Variants in ANKH observed in about 807,000 individuals in gnomAD.
ANKH encodes the protein ANKH inorganic pyrophosphate transport regulator.
ANKH carries 15 observed loss-of-function variants against 49.0 expected under a neutral mutation model. That is an observed-to-expected ratio of 0.31 (90% CI 0.20 to 0.47). The LOEUF (loss-of-function observed/expected upper bound fraction) is 0.47, where lower values mean the gene tolerates loss of function less well. Ranked by LOEUF, ANKH falls within the 20% of genes least tolerant of loss-of-function variation. The pLI is 1.00. For synonymous variants in ANKH, 273 were observed against 260.0 expected (o/e 1.05, Z -0.48); for missense variants, 429 against 652.0 (o/e 0.66, Z 3.72).
At chr5:14,716,875 T>C (rs766254763) in intron 8 of ANKH, 40 bp from the exon 9 acceptor site, 4 of 1,610,320 alleles carry the variant, frequency 2.5e-6, no homozygotes, top group Non-Finnish European at 3.4e-6. Flanking sequence ...GAGGAAAAAG[T>C]GTAAGCAGGT....
At chr5:14,726,976 G>A (rs1737842776) in intron 8 of ANKH, among the ~76,000 whole-genome samples, 1 of 152,200 alleles carries the variant, frequency 6.6e-6, no homozygotes, top group Non-Finnish European at 1.5e-5. Flanking sequence ...TTCCACATCC[G>A]CGTCTTGCTC....
chr5:14,740,693 A>C (rs1263141107), intron 8 of ANKH, among the ~76,000 whole-genome samples: 1 of 152,188 alleles, frequency 6.6e-6, no homozygotes, highest in African/African-American at 2.4e-5. Context: ...CAGGCTTTCA[A>C]AATGTCCATT....
At chr5:14,870,380 T>G (rs1279049191) in intron 1 of ANKH, 1 of 152,206 alleles carries the variant, frequency 6.6e-6, no homozygotes, top group Non-Finnish European at 1.5e-5. Flanking sequence ...CAATGAGTAC[T>G]GCATCAAAAT....
At position 14,800,682 on chromosome 5, in the gene ANKH, C is replaced by T. The variant is rs1168834572; in HGVS notation, c.97-31491G>A. Among the ~76,000 whole-genome samples the T allele has an allele frequency of 3.3e-5, 5 of 151,714 alleles. No individual in the cohort carries two copies. The East Asian group carries it at 9.7e-4, about 29-fold the overall frequency. ...CTGTTTTTTAAGTCCTAATACATTGCACACTTAATTGACTATAGTATAGAG... is the reference window on the plus strand; with the variant it reads ...CTGTTTTTTAAGTCCTAATACATTGTACACTTAATTGACTATAGTATAGAG... On this transcript the variant is annotated intron_variant, in intron 1 of 11. Coordinates refer to ENST00000284268, the MANE Select transcript of ANKH (RefSeq NM_054027.6).
chr5:14,810,956 T>G (rs1000566335), intron 1 of ANKH, among the ~76,000 whole-genome samples: 1 of 152,084 alleles, frequency 6.6e-6, no homozygotes, highest in African/African-American at 2.4e-5. Flanking sequence ...AAATGCTACT[T>G]TATGAAGAAT....
chr5:14,772,421 T>C (rs1180288074), intron 1 of ANKH, among the ~76,000 whole-genome samples: 2 of 152,240 alleles, frequency 1.3e-5, no homozygotes, highest in Admixed American at 6.5e-5. Context: ...CTCGGTATTA[T>C]ATAAGCTAGC....
intron 1 of ANKH, among the ~76,000 whole-genome samples, chr5:14,777,472 G>A (rs896464234): frequency 2.6e-5 from 4 of 152,098 alleles, no homozygotes; most frequent in African/African-American, 7.2e-5. Context: ...TAACCTCCAC[G>A]GAAATGTTTA....
At position 14,709,739 on chromosome 5, in the gene ANKH, G is replaced by C. The variant is rs950491108; in HGVS notation, c.*1458C>G. 3 of 152,552 alleles carry C rather than the reference G, an allele frequency of 2.0e-5. No individual in the cohort carries two copies. Among genetic ancestry groups the C allele is most frequent in the African/African-American group, 4.8e-5 (2 of 41,402 alleles). 9.4% of individuals were successfully genotyped at this position (152,552 alleles called of 1,614,324 possible). A position where few individuals can be genotyped will look rare whatever the true frequency, so the allele number is the denominator to read the frequency against. ...TGCAAATGACGGACTTTATAAAACT[G>C]CTGCCAATAAGGTACAATGTTCATT... On this transcript the variant is annotated 3_prime_UTR_variant, in exon 12 of 12. Coordinates refer to ENST00000284268, the MANE Select transcript of ANKH (RefSeq NM_054027.6).
chr5:14,744,881 TGGCTTCCCAG>T (rs1211797701), intron 7 of ANKH, among the ~76,000 whole-genome samples: 1 of 152,190 alleles, frequency 6.6e-6, no homozygotes, highest in Non-Finnish European at 1.5e-5. Flanking sequence ...CCTTGTTGTG[TGGCTTCCCAG>T]GGCTTCCCGT....
intron 1 of ANKH, among the ~76,000 whole-genome samples, chr5:14,826,336 G>A (rs1309724813): frequency 2.6e-5 from 4 of 152,142 alleles, no homozygotes. Context: ...AAACAGAGTT[G>A]GTGACTAAGT....
chr5:14,853,979 T>A (rs1742188219), intron 1 of ANKH, among the ~76,000 whole-genome samples: 1 of 152,144 alleles, frequency 6.6e-6, no homozygotes, highest in Non-Finnish European at 1.5e-5. Flanking sequence ...TGTAATGTTA[T>A]CCTTAGCAGA....
At position 14,713,754 on chromosome 5, in the gene ANKH, A is replaced by G; in HGVS notation, c.1142-87T>C. Reference sequence around the variant, plus strand: ...TCTGGACCAGGGCAGCACATCCGAGAGCCAGGGGCTGCCTAGGACCCTGGC... The same window carrying G: ...TCTGGACCAGGGCAGCACATCCGAGGGCCAGGGGCTGCCTAGGACCCTGGC... On this transcript the variant is annotated intron_variant, in intron 9 of 11. Coordinates refer to ENST00000284268, the MANE Select transcript of ANKH (RefSeq NM_054027.6). The surrounding 1 kb of genome is among the most constrained non-coding windows in gnomAD (Gnocchi z 4.4). 2 of 1,590,488 alleles carry G rather than the reference A, an allele frequency of 1.3e-6. No individual in the cohort carries two copies. Among genetic ancestry groups the G allele is most frequent in the Non-Finnish European group, 1.7e-6 (2 of 1,163,046 alleles).
At chr5:14,788,923 C>CA (rs1370692618) in intron 1 of ANKH, among the ~76,000 whole-genome samples, 1 of 152,114 alleles carries the variant, frequency 6.6e-6, no homozygotes, top group African/African-American at 2.4e-5. Flanking sequence ...ATTCTTTGGA[C>CA]ATAACTACAT....
In ANKH at chr5:14,774,466, C is replaced by T. The variant is rs141508522; in HGVS notation, c.97-5275G>A. On this transcript the variant is annotated intron_variant, in intron 1 of 11. Transcript: ENST00000284268. The stretch of plus-strand genomic sequence containing the variant: ...ATTATTTTTTTCCTCAAGACACAGT[C>T]GCGCTCTGTCGCCCAGTCTGGAGTG... Among the ~76,000 whole-genome samples, 6 of 152,218 alleles carry T rather than the reference C, an allele frequency of 3.9e-5. No individual in the cohort carries two copies. The East Asian group carries it at 7.7e-4, about 20-fold the overall frequency.
chr5:14,712,850 A>G, intron 11 of ANKH, 24 bp downstream of exon 11: 1 of 1,577,380 alleles, frequency 6.3e-7, no homozygotes, highest in Non-Finnish European at 8.6e-7. Flanking sequence ...ACCCGGGAGG[A>G]GGCTCCCGGC....
In ANKH at chr5:14,705,738, G is replaced by A. The variant is rs79739542; in HGVS notation, c.*5459C>T. On this transcript the variant is annotated 3_prime_UTR_variant, in exon 12 of 12. Coordinates refer to ENST00000284268, the MANE Select transcript of ANKH (RefSeq NM_054027.6). ...CCCTGGGGTAAGGGACCTGCTGCAC[G>A]GTGACATGACCATCGCTGTGGGGTG... is the stretch of plus-strand genomic sequence containing the variant. 1.4e-3 allele frequency: 215 copies of A among 153,000 alleles called. 8 individuals carry two copies. In the East Asian group the frequency reaches 0.031, roughly 22 times the overall value. 9.5% of individuals were successfully genotyped at this position (153,000 alleles called of 1,614,324 possible). A position where few individuals can be genotyped will look rare whatever the true frequency, so the allele number is the denominator to read the frequency against.
intron 2 of ANKH, among the ~76,000 whole-genome samples, chr5:14,763,612 A>C (rs1174354433): frequency 6.6e-6 from 1 of 152,246 alleles, no homozygotes; most frequent in Non-Finnish European, 1.5e-5. Context: ...TAATTGTGAA[A>C]TTTTAACGCA....
intron 1 of ANKH, among the ~76,000 whole-genome samples, chr5:14,857,233 A>G (rs1026008982): frequency 2.0e-5 from 3 of 152,168 alleles, no homozygotes; most frequent in Non-Finnish European, 4.4e-5. Context: ...CCAGATATAC[A>G]GGGAAGTAAA....
At chr5:14,815,778 A>G (rs1741017371) in intron 1 of ANKH, among the ~76,000 whole-genome samples, 1 of 152,244 alleles carries the variant, frequency 6.6e-6, no homozygotes, top group Non-Finnish European at 1.5e-5. Flanking sequence ...AGTGTCCAGG[A>G]GCACAGAGGC....
Sources: gnomAD v4.1 joint callset for allele counts (sites outside exome capture counted in the v4.1 genomes callset) on GRCh38, gnomAD v4.1.1 for gene constraint, Gnocchi (gnomAD v3.1) non-coding constraint, MANE v1.5 for transcripts, NCBI Gene and HGNC (gene_info 2026-07-23, HGNC 2026-07-21) for gene names.